GDA: variants seen among roughly 807,000 people sequenced by gnomAD.
The protein encoded by GDA is cytoplasmic PSD-95 interactor.
GDA carries 18 observed loss-of-function variants against 59.6 expected under a neutral mutation model. The observed-to-expected ratio is 0.30, with a 90% CI of 0.21 to 0.45. The LOEUF (loss-of-function observed/expected upper bound fraction) is 0.45. Ranked by LOEUF, GDA falls within the 20% of genes least tolerant of loss-of-function variation. The probability of loss-of-function intolerance (pLI) is 1.00; values close to 1 mark genes in which losing one functional copy is unlikely to be tolerated. For missense variants in GDA, 427 were observed against 552.3 expected, an observed-to-expected ratio of 0.77 and a Z score of 2.27; for synonymous variants, 201 against 201.1, an observed-to-expected ratio of 1.00 and a Z score of 0.00.
chr9:72,153,335 T>C (rs187507899), intron 1 of GDA, among the ~76,000 whole-genome samples: 20 of 152,264 alleles, frequency 1.3e-4, no homozygotes, highest in African/African-American at 3.6e-4. Flanking sequence ...AAGAAAGTCA[T>C]TGGTAGCTTG....
chr9:72,155,518 C>A (rs941378884), intron 1 of GDA, among the ~76,000 whole-genome samples: 1 of 152,076 alleles, frequency 6.6e-6, no homozygotes, highest in Admixed American at 6.6e-5. Flanking sequence ...GTGCAAAGGT[C>A]CTGGGGTAGG....
chr9:72,210,268 T>A (rs957678256), intron 3 of GDA, among the ~76,000 whole-genome samples: 3 of 152,216 alleles, frequency 2.0e-5, no homozygotes, highest in Non-Finnish European at 4.4e-5. Context: ...TTGTTGTAGT[T>A]TGCGAAGGAA....
intron 1 of GDA, among the ~76,000 whole-genome samples, chr9:72,144,326 G>T (rs1309109158): frequency 6.6e-6 from 1 of 152,118 alleles, no homozygotes; most frequent in Non-Finnish European, 1.5e-5. Context: ...ATTGTTAAGT[G>T]CCTTGTATTA....
At chr9:72,232,839 A>G (rs1367525363) in intron 10 of GDA, among the ~76,000 whole-genome samples, 1 of 152,248 alleles carries the variant, frequency 6.6e-6, no homozygotes, top group East Asian at 1.9e-4. Context: ...CAACAATAGT[A>G]ACTAGCAATT....
At position 72,233,104 on chromosome 9, in the gene GDA, G is replaced by A. The variant is rs145505127; in HGVS notation, c.988+1923G>A. Among the ~76,000 whole-genome samples the A allele has an allele frequency of 8.5e-5, 13 of 152,198 alleles. No homozygotes were observed. In the East Asian group the frequency reaches 1.3e-3, roughly 16 times the overall value. The stretch of plus-strand genomic sequence containing the variant: ...CCCTCTACTCTACTATTTCCTAAAC[G>A]TGACTTTTGTGTATCAATTTACCCT... On this transcript the variant is annotated intron_variant, in intron 10 of 13. Coordinates refer to ENST00000358399, the MANE Select transcript of GDA (RefSeq NM_004293.5).
chr9:72,239,867 T>G (rs1839422750), intron 10 of GDA, among the ~76,000 whole-genome samples: 1 of 152,160 alleles, frequency 6.6e-6, no homozygotes, highest in Admixed American at 6.5e-5. Flanking sequence ...GTAGGATAGT[T>G]GAACATAAAA....
intron 4 of GDA, among the ~76,000 whole-genome samples, chr9:72,211,774 C>T (rs189749823): frequency 6.6e-6 from 1 of 152,220 alleles, no homozygotes; most frequent in East Asian, 1.9e-4. Flanking sequence ...ATGCAGGGAC[C>T]ACAGTAGTTT....
intron 1 of GDA, among the ~76,000 whole-genome samples, chr9:72,157,812 A>G (rs1018193381): frequency 7.2e-5 from 11 of 152,142 alleles, no homozygotes; most frequent in Admixed American, 1.3e-4. Flanking sequence ...CCTGTTCTCT[A>G]ATTCTTTCTG....
intron 5 of GDA, among the ~76,000 whole-genome samples, chr9:72,215,376 G>A (rs1835974873): frequency 6.6e-6 from 1 of 152,038 alleles, no homozygotes; most frequent in South Asian, 2.1e-4. Context: ...TACCATAATA[G>A]GGTATCTTTT....
At chr9:72,175,977 A>G (rs558966387) in intron 1 of GDA, among the ~76,000 whole-genome samples, 1 of 152,324 alleles carries the variant, frequency 6.6e-6, no homozygotes, top group South Asian at 2.1e-4. Context: ...AATTACCCCA[A>G]AACTTAGGGG....
At chr9:72,128,719 G>A (rs1825930825) in intron 1 of GDA, among the ~76,000 whole-genome samples, 2 of 152,184 alleles carry the variant, frequency 1.3e-5, no homozygotes, top group Non-Finnish European at 2.9e-5. Context: ...GAGACAGGCT[G>A]GCAGCCAGCA....
intron 12 of GDA, among the ~76,000 whole-genome samples, 190 bp downstream of exon 12, chr9:72,245,468 AC>A (rs1454078928): frequency 6.6e-6 from 1 of 152,200 alleles, no homozygotes; most frequent in Non-Finnish European, 1.5e-5. Flanking sequence ...TGTTAACAAA[AC>A]TTTTATATTT....
chr9:72,218,483 A>C (rs1836440843), intron 5 of GDA, among the ~76,000 whole-genome samples: 1 of 152,180 alleles, frequency 6.6e-6, no homozygotes, highest in African/African-American at 2.4e-5. Context: ...GTGATAGTAA[A>C]CCTTAATTCT....
At chr9:72,170,057 A>G (rs1361170152) in intron 1 of GDA, among the ~76,000 whole-genome samples, 3 of 152,232 alleles carry the variant, frequency 2.0e-5, no homozygotes, top group African/African-American at 4.8e-5. Context: ...TTAAACAAAC[A>G]CAATGGGGCA....
intron 1 of GDA, among the ~76,000 whole-genome samples, chr9:72,151,519 A>T (rs1342551384): frequency 6.6e-6 from 1 of 152,192 alleles, no homozygotes; most frequent in Non-Finnish European, 1.5e-5. Context: ...TTATTTAAAC[A>T]TTTCAAGGTT....
chr9:72,170,352 CAA>C (rs1829816998), intron 1 of GDA, among the ~76,000 whole-genome samples: 1 of 152,058 alleles, frequency 6.6e-6, no homozygotes, highest in African/African-American at 2.4e-5. Flanking sequence ...TATATATAGA[CAA>C]AGAGAAAAAT....
intron 1 of GDA, among the ~76,000 whole-genome samples, chr9:72,136,437 T>C (rs1826227198): frequency 3.9e-5 from 6 of 152,226 alleles, no homozygotes; most frequent in Admixed American, 3.9e-4. Flanking sequence ...ACCTGTCATC[T>C]CACACTTTAT....
In GDA at chr9:72,231,131, T is replaced by A; in HGVS notation, c.938T>A (p.Leu313Gln). 1 of 1,592,476 alleles carries A rather than the reference T, an allele frequency of 6.3e-7. No individual in the cohort carries two copies. Among genetic ancestry groups the A allele is most frequent in the Non-Finnish European group, 8.6e-7 (1 of 1,160,290 alleles). The change falls in exon 10 of 14, where the codon CTA (leucine) becomes CAA (glutamine). Residue 313 changes from leucine (L) to glutamine (Q), a missense_variant. By Grantham distance (113) the Leu-to-Gln change is moderately radical (BLOSUM62 -2). Coordinates refer to ENST00000358399, the MANE Select transcript of GDA (RefSeq NM_004293.5). The stretch of plus-strand genomic sequence containing the variant: ...CTCTACAGGCTCAGCAGTGGATTTC[T>A]AAATGTGCTAGAAGTCCTGAAACAT... ...NSNLSLSSGF[L>Q]NVLEVLKHEV...
chr9:72,201,192 A>AGT lies in GDA; in HGVS notation c.213-1379_213-1378insGT, dbSNP rs371187137. On this transcript the variant is annotated intron_variant, in intron 2 of 13. Coordinates refer to ENST00000358399, the MANE Select transcript of GDA (RefSeq NM_004293.5). The stretch of plus-strand genomic sequence containing the variant: ...CATAAGGGGAAACTGAGTCACACAG[A>AGT]ATTTTTTTTTTTTTTTAATATGTCA... Among the ~76,000 whole-genome samples the AGT allele has an allele frequency of 9.1e-3, 1,194 of 131,262 alleles. 14 individuals are homozygous for AGT. The highest frequency in any genetic ancestry group is 0.028 in the African/African-American group (1,029 of 37,186). The allele number at this position is 131,262 out of a possible 152,430, so 86.1% of individuals were successfully genotyped here.
Sources: gnomAD v4.1 joint callset for allele counts (sites outside exome capture counted in the v4.1 genomes callset) on GRCh38, gnomAD v4.1.1 for gene constraint, MANE v1.5 for transcripts, NCBI Gene and HGNC (gene_info 2026-07-23, HGNC 2026-07-21) for gene names.